The following SCHIP1 variants were observed in gnomAD, a reference collection of about 807,000 sequenced individuals.
SCHIP1 encodes schwannomin-interacting protein 1.
SCHIP1 carries 8 observed loss-of-function variants against 29.7 expected under a neutral mutation model. The ratio of observed to expected loss-of-function variants is 0.27; its 90% confidence interval spans 0.16 to 0.49. SCHIP1 has a LOEUF of 0.49. SCHIP1 is among the 20% of genes least tolerant of loss of function. The pLI is 0.99. For synonymous variants in SCHIP1, 76 were observed against 94.9 expected, an observed-to-expected ratio of 0.80 and a Z score of 1.16; for missense variants, 193 against 294.6, an observed-to-expected ratio of 0.66 and a Z score of 2.52.
chr3:159,400,328 GA>G, the SCHIP1 span, among the ~76,000 whole-genome samples: 1 of 152,208 alleles, frequency 6.6e-6, no homozygotes, highest in Non-Finnish European at 1.5e-5. Flanking sequence ...ATAATTGGTT[GA>G]GAGACAATTG....
At chr3:159,711,095 G>A in the SCHIP1 span, among the ~76,000 whole-genome samples, 1 of 152,088 alleles carries the variant, frequency 6.6e-6, no homozygotes, top group Non-Finnish European at 1.5e-5. Context: ...AGTAAAAACA[G>A]TTCTAACTGG....
chr3:159,415,419 C>T, the SCHIP1 span, among the ~76,000 whole-genome samples: 80,812 of 151,904 alleles, frequency 0.53, 23,145 homozygotes, highest in East Asian at 0.75. Context: ...TAGTACCCAA[C>T]AGTCATCTTT....
At chr3:159,586,541 A>C in the SCHIP1 span, among the ~76,000 whole-genome samples, 1 of 152,308 alleles carries the variant, frequency 6.6e-6, no homozygotes, top group African/African-American at 2.4e-5. Flanking sequence ...TGTATCCAGA[A>C]AACATTTTCT....
At chr3:159,549,402 G>A in the SCHIP1 span, among the ~76,000 whole-genome samples, 49 of 152,240 alleles carry the variant, frequency 3.2e-4, no homozygotes, top group African/African-American at 1.2e-3. Flanking sequence ...ACCTCCTCGT[G>A]TGGCTTTAAT....
chr3:159,811,981 T>G, the SCHIP1 span, among the ~76,000 whole-genome samples: 3 of 104,484 alleles, frequency 2.9e-5, no homozygotes, highest in South Asian at 3.3e-4. Context: ...TTTGTTTTTG[T>G]TTTTTTTTTT....
chr3:159,780,186 G>A, the SCHIP1 span, among the ~76,000 whole-genome samples: 1 of 152,190 alleles, frequency 6.6e-6, no homozygotes, highest in African/African-American at 2.4e-5. Flanking sequence ...TTTATGTCTA[G>A]AGCATTTGCA....
At chr3:159,538,205 T>C in the SCHIP1 span, among the ~76,000 whole-genome samples, 1 of 151,800 alleles carries the variant, frequency 6.6e-6, no homozygotes, top group Non-Finnish European at 1.5e-5. Context: ...CTAAGAAAAG[T>C]GGGGGAGAAG....
At chr3:159,744,077 A>G in the SCHIP1 span, among the ~76,000 whole-genome samples, 2 of 152,144 alleles carry the variant, frequency 1.3e-5, no homozygotes, top group Non-Finnish European at 2.9e-5. Context: ...AAGAGGGAAG[A>G]GGTAGAAAAG....
chr3:159,794,587 G>A, the SCHIP1 span, among the ~76,000 whole-genome samples: 2 of 152,196 alleles, frequency 1.3e-5, no homozygotes, highest in Non-Finnish European at 2.9e-5. Flanking sequence ...TCAAGGTCAA[G>A]GCCAAAGAAC....
chr3:159,831,125 G>C, the SCHIP1 span, among the ~76,000 whole-genome samples: 1 of 152,198 alleles, frequency 6.6e-6, no homozygotes, highest in Non-Finnish European at 1.5e-5. Context: ...AGAAGCTGGG[G>C]ATTGCATTTA....
the SCHIP1 span, among the ~76,000 whole-genome samples, chr3:159,441,924 T>A: frequency 6.6e-6 from 1 of 152,160 alleles, no homozygotes; most frequent in South Asian, 2.1e-4. Flanking sequence ...CTTGGACTCC[T>A]GGGCTCCAGC....
At chr3:159,611,743 A>T in the SCHIP1 span, among the ~76,000 whole-genome samples, 1 of 152,132 alleles carries the variant, frequency 6.6e-6, no homozygotes, top group African/African-American at 2.4e-5. Context: ...AACCCACTCT[A>T]ATTTTTTACA....
the SCHIP1 span, among the ~76,000 whole-genome samples, chr3:159,670,961 C>G: frequency 4.7e-4 from 71 of 152,100 alleles, no homozygotes; most frequent in African/African-American, 1.6e-3. Context: ...ATGTAGGACC[C>G]TTGTTCAAAA....
At chr3:159,650,999 C>CTCA in the SCHIP1 span, among the ~76,000 whole-genome samples, 1 of 152,120 alleles carries the variant, frequency 6.6e-6, no homozygotes, top group African/African-American at 2.4e-5. Context: ...CTCTCTGTGA[C>CTCA]TCATCTTTCT....
chr3:159,413,756 G>A, the SCHIP1 span, among the ~76,000 whole-genome samples: 1 of 152,040 alleles, frequency 6.6e-6, no homozygotes, highest in African/African-American at 2.4e-5. Flanking sequence ...AAATCCTATG[G>A]CCCTACTGTC....
rs1328971510 is a variant in SCHIP1 at position 159,861,470 on chromosome 3, T to C, written c.31-4693T>C. Among the ~76,000 whole-genome samples, 4 of 152,168 alleles carry C rather than the reference T, an allele frequency of 2.6e-5. No homozygotes were observed. The highest frequency in any genetic ancestry group is 9.7e-5 in the African/African-American group (4 of 41,422). On this transcript the variant is annotated intron_variant, in intron 1 of 6. Coordinates refer to ENST00000445224, the Ensembl canonical transcript of SCHIP1. This position sits in a 1 kb window ranked among gnomAD's most constrained non-coding sequence, Gnocchi z 4.1. ...AAAGGCTGAGCATTGGTGTTCAGAG[T>C]CTGCAAGTGCTCAGTGGTCTGTTCT...
At chr3:159,810,615 AG>A in the SCHIP1 span, among the ~76,000 whole-genome samples, 1 of 152,190 alleles carries the variant, frequency 6.6e-6, no homozygotes, top group African/African-American at 2.4e-5. Context: ...TGTTTTTGAT[AG>A]TCTTCCATGC....
chr3:159,582,819 C>T, the SCHIP1 span, among the ~76,000 whole-genome samples: 7 of 151,042 alleles, frequency 4.6e-5, no homozygotes, highest in East Asian at 1.4e-3. Context: ...CACACACACA[C>T]ATTCAAAAAT....
chr3:159,888,910 G>A (rs1717216628), exon 5 of SCHIP1: 1 of 1,614,104 alleles, frequency 6.2e-7, no homozygotes, highest in Non-Finnish European at 8.5e-7. Flanking sequence ...GCAGCTACAA[G>A]TGATAGTCAA....
Sources: gnomAD v4.1 joint callset for allele counts (sites outside exome capture counted in the v4.1 genomes callset) on GRCh38, gnomAD v4.1.1 for gene constraint, Gnocchi (gnomAD v3.1) non-coding constraint, MANE v1.5 for transcripts, NCBI Gene and HGNC (gene_info 2026-07-23, HGNC 2026-07-21) for gene names.